MAN1A1: variants seen among roughly 807,000 people sequenced by gnomAD.
MAN1A1 encodes the protein mannosyl-oligosaccharide 1,2-alpha-mannosidase IA.
Under a neutral mutation model 70.8 loss-of-function variants are expected in MAN1A1, and 29 were observed. The observed-to-expected ratio is 0.41, with a 90% CI of 0.31 to 0.56. The LOEUF (loss-of-function observed/expected upper bound fraction) is 0.56. Ranked by LOEUF, MAN1A1 falls within the 20% of genes least tolerant of loss-of-function variation. MAN1A1 has a pLI of 0.29. For synonymous variants in MAN1A1, 349 were observed against 330.1 expected (o/e 1.06, Z -0.62); for missense variants, 747 against 841.3 (o/e 0.89, Z 1.39).
At chr6:119,319,853 G>A (rs1012735337) in intron 2 of MAN1A1, among the ~76,000 whole-genome samples, 1 of 152,124 alleles carries the variant, frequency 6.6e-6, no homozygotes, top group Non-Finnish European at 1.5e-5. Flanking sequence ...CAAGGTCAAT[G>A]GGTATCTTTG....
chr6:119,235,355 A>C (rs555374993), intron 6 of MAN1A1, among the ~76,000 whole-genome samples: 22 of 152,344 alleles, frequency 1.4e-4, no homozygotes, highest in Non-Finnish European at 2.8e-4. Flanking sequence ...TAAGAACGCA[A>C]AACAGCCTTA....
intron 6 of MAN1A1, among the ~76,000 whole-genome samples, chr6:119,237,899 T>C (rs1774898650): frequency 6.6e-6 from 1 of 152,192 alleles, no homozygotes; most frequent in Non-Finnish European, 1.5e-5. Context: ...GATAGAGTTA[T>C]ATTCAATAAA....
At position 119,275,432 on chromosome 6, in the gene MAN1A1, A is replaced by C. The variant is rs372892850; in HGVS notation, c.897+15251T>G. Among the ~76,000 whole-genome samples, 824 of 143,284 alleles carry C rather than the reference A, an allele frequency of 5.8e-3. 32 individuals carry two copies. Among genetic ancestry groups the C allele is most frequent in the African/African-American group, 0.02 (780 of 38,592 alleles). 94.0% of individuals were successfully genotyped at this position (143,284 alleles called of 152,430 possible). A position where few individuals can be genotyped will look rare whatever the true frequency, so the allele number is the denominator to read the frequency against. The stretch of plus-strand genomic sequence containing the variant: ...CGCCATTCTCCTGCCTCAGCCTCCC[A>C]AGTAGCTGGGACTACAGGCGCCCGC... On this transcript the variant is annotated intron_variant, in intron 5 of 12. Coordinates refer to ENST00000368468, the MANE Select transcript of MAN1A1 (RefSeq NM_005907.4).
chr6:119,345,738 T>C (rs1043437574), intron 2 of MAN1A1, among the ~76,000 whole-genome samples: 6 of 152,208 alleles, frequency 3.9e-5, no homozygotes, highest in African/African-American at 1.2e-4. Context: ...TAGACTTGAG[T>C]GCACTTTCTA....
intron 5 of MAN1A1, among the ~76,000 whole-genome samples, chr6:119,254,674 G>A (rs1775413219): frequency 6.6e-6 from 1 of 152,054 alleles, no homozygotes; most frequent in Admixed American, 6.6e-5. Context: ...AAGAAAATAT[G>A]GTTTTTGTAC....
At chr6:119,258,783 G>A (rs79005971) in intron 5 of MAN1A1, among the ~76,000 whole-genome samples, 455 of 151,808 alleles carry the variant, frequency 3.0e-3, no homozygotes, top group Non-Finnish European at 5.1e-3. Context: ...TTTATGATTC[G>A]GTGAAATGTA....
intron 11 of MAN1A1, among the ~76,000 whole-genome samples, chr6:119,186,083 T>G (rs1773284566): frequency 6.6e-6 from 1 of 151,870 alleles, no homozygotes; most frequent in Admixed American, 6.6e-5. Context: ...GAAGGGAGAT[T>G]TTTTCCCTCT....
intron 4 of MAN1A1, among the ~76,000 whole-genome samples, chr6:119,299,672 C>A (rs550974652): frequency 7.2e-5 from 11 of 152,274 alleles, no homozygotes; most frequent in African/African-American, 2.6e-4. Context: ...TTTCACCTTA[C>A]AAGTAAGGAA....
In MAN1A1 at chr6:119,204,754, C is replaced by A; in HGVS notation, c.1116+5G>T. 6.2e-7 allele frequency: 1 copy of A among 1,613,864 alleles called. No individual in the cohort carries two copies. Among genetic ancestry groups the A allele is most frequent in the Non-Finnish European group, 8.5e-7 (1 of 1,179,812 alleles). On this transcript the variant is annotated splice_donor_5th_base_variant and intron_variant, in intron 7 of 12. Coordinates refer to ENST00000368468, the MANE Select transcript of MAN1A1 (RefSeq NM_005907.4). ...TGCAGGCCAAGGCACATTGAAGAATCTCACCTTTTCAGCAAAGATGGGGTT... is the reference window on the plus strand; with the variant it reads ...TGCAGGCCAAGGCACATTGAAGAATATCACCTTTTCAGCAAAGATGGGGTT...
chr6:119,266,056 C>T (rs1467907630), intron 5 of MAN1A1, among the ~76,000 whole-genome samples: 1 of 151,940 alleles, frequency 6.6e-6, no homozygotes, highest in Admixed American at 6.5e-5. Flanking sequence ...ATAAACGTAA[C>T]AAAATATGTA....
intron 6 of MAN1A1, among the ~76,000 whole-genome samples, chr6:119,210,265 C>A (rs550248814): frequency 6.6e-6 from 1 of 152,182 alleles, no homozygotes; most frequent in Non-Finnish European, 1.5e-5. Flanking sequence ...TCCTTGCTAA[C>A]TTCTATCAAC....
At chr6:119,338,436 G>A (rs1773519705) in intron 2 of MAN1A1, among the ~76,000 whole-genome samples, 1 of 151,962 alleles carries the variant, frequency 6.6e-6, no homozygotes, top group African/African-American at 2.4e-5. Context: ...AACACTGAAG[G>A]CCTCTCACAT....
chr6:119,183,072 T>C (rs1465260021), intron 11 of MAN1A1, among the ~76,000 whole-genome samples: 2 of 152,170 alleles, frequency 1.3e-5, no homozygotes, highest in African/African-American at 2.4e-5. Flanking sequence ...AGCAGAGATG[T>C]TGCACTGAGA....
At chr6:119,284,019 C>G (rs1039892729) in intron 5 of MAN1A1, among the ~76,000 whole-genome samples, 2 of 152,140 alleles carry the variant, frequency 1.3e-5, no homozygotes, top group African/African-American at 2.4e-5. Context: ...AACCGACCAA[C>G]CAGAACATCA....
At chr6:119,253,051 G>C (rs1242684060) in intron 5 of MAN1A1, among the ~76,000 whole-genome samples, 1 of 151,956 alleles carries the variant, frequency 6.6e-6, no homozygotes, top group East Asian at 1.9e-4. Flanking sequence ...AAAAAAAATC[G>C]TCGTTTTGAA....
intron 5 of MAN1A1, among the ~76,000 whole-genome samples, chr6:119,271,565 TCTCAGCTCACTGCAAC>T (rs1225836565): frequency 6.6e-6 from 1 of 152,048 alleles, no homozygotes; most frequent in Non-Finnish European, 1.5e-5. Context: ...AGTGGCGTGA[TCTCAGCTCACTGCAAC>T]CTCCGCCTCC....
intron 6 of MAN1A1, among the ~76,000 whole-genome samples, chr6:119,232,372 CA>C (rs71015028): frequency 2.0e-3 from 177 of 89,348 alleles, no homozygotes; most frequent in African/African-American, 5.8e-3. Context: ...GACTCTGTCT[CA>C]AAAAAAAAAA....
At chr6:119,267,944 G>A (rs1246414761) in intron 5 of MAN1A1, among the ~76,000 whole-genome samples, 1 of 152,128 alleles carries the variant, frequency 6.6e-6, no homozygotes, top group African/African-American at 2.4e-5. Context: ...GTATGGTGGA[G>A]TTTGGCACAT....
chr6:119,203,259 T>G (rs1773765960), intron 7 of MAN1A1, among the ~76,000 whole-genome samples: 1 of 151,910 alleles, frequency 6.6e-6, no homozygotes. Context: ...TTAGTCAGAG[T>G]GGCCTGGCAA....
Sources: allele counts gnomAD v4.1 joint callset (sites outside exome capture counted in the v4.1 genomes callset), GRCh38; gene constraint gnomAD v4.1.1; transcripts MANE v1.5; gene names NCBI Gene and HGNC (gene_info 2026-07-23, HGNC 2026-07-21).